CFAP57: variants seen among roughly 807,000 people sequenced by gnomAD.
The protein encoded by CFAP57 is cilia- and flagella-associated protein 57.
A neutral mutation model predicts 146.8 loss-of-function variants in CFAP57; 116 were observed. That is an observed-to-expected ratio of 0.79 (90% CI 0.68 to 0.92). The LOEUF (loss-of-function observed/expected upper bound fraction) is 0.92. Among genes scored for constraint, CFAP57 ranks in the 40% least tolerant of loss-of-function variants. CFAP57 has a pLI of 0.00. For missense variants in CFAP57, 1,377 were observed against 1,527.2 expected (o/e 0.90, Z 1.64); for synonymous variants, 518 against 552.8 (o/e 0.94, Z 0.88).
chr1:43,247,985 C>T (rs894947708), intron 22 of CFAP57, among the ~76,000 whole-genome samples: 3 of 151,684 alleles, frequency 2.0e-5, no homozygotes, highest in African/African-American at 7.3e-5. Flanking sequence ...ATTAGCCGGG[C>T]GTGGTGGCAG....
chr1:43,231,934 T>C (rs920278437), intron 18 of CFAP57: 6 of 497,590 alleles, frequency 1.2e-5, no homozygotes, highest in African/African-American at 9.8e-5. Context: ...GACAGGACAC[T>C]TCTCAGTTGT....
intron 7 of CFAP57, 38 bp downstream of exon 7, chr1:43,197,730 A>C: frequency 6.2e-7 from 1 of 1,610,976 alleles, no homozygotes; most frequent in Non-Finnish European, 8.5e-7. Flanking sequence ...ATTATGCAAG[A>C]CCCCAGTTGT....
chr1:43,213,967 A>C (rs1570143354), intron 11 of CFAP57, among the ~76,000 whole-genome samples: 1 of 147,504 alleles, frequency 6.8e-6, no homozygotes, highest in Admixed American at 6.7e-5. Flanking sequence ...GCTCACTGCA[A>C]CCTCCCCCTC....
Position 43,172,345 on chromosome 1 carries a change from T to G in CFAP57, c.-128T>G. 6.4e-7 allele frequency: 1 copy of G among 1,551,586 alleles called. No homozygotes were observed. The highest frequency in any genetic ancestry group is 1.2e-5 in the South Asian group (1 of 84,054). ...GGCAAACCATACTTCCGGTTTGTCGTTGCTATAGGAACCGCTACGGCGTTT... is the reference window on the plus strand; with the variant it reads ...GGCAAACCATACTTCCGGTTTGTCGGTGCTATAGGAACCGCTACGGCGTTT... On this transcript the variant is annotated 5_prime_UTR_variant, in exon 1 of 23. Transcript: ENST00000372492.
At chr1:43,172,573 A>AAAGGGGAGGGGAAAGGGGAGGGAC in intron 1 of CFAP57, 120 bp downstream of exon 1, 1 of 582,312 alleles carries the variant, frequency 1.7e-6, no homozygotes, top group Non-Finnish European at 2.9e-6. Context: ...GGGGGAGGGG[A>AAAGGGGAGGGGAAAGGGGAGGGAC]AAGGGGAGGG....
At chr1:43,191,084 A>G (rs890029565) in intron 6 of CFAP57, among the ~76,000 whole-genome samples, 24 of 152,176 alleles carry the variant, frequency 1.6e-4, no homozygotes, top group Admixed American at 7.9e-4. Flanking sequence ...CAGTGAAGTC[A>G]TCTGGGCCTG....
chr1:43,172,480 A>C (rs542870807), intron 1 of CFAP57, 27 bp downstream of exon 1: 2 of 1,524,634 alleles, frequency 1.3e-6, no homozygotes, highest in Admixed American at 2.0e-5. Flanking sequence ...GGGGGTCGCC[A>C]GAAGGAGCTG....
In CFAP57 at chr1:43,254,281, C is replaced by G; in HGVS notation, c.*90C>G. 8 of 1,149,126 alleles carry G rather than the reference C, an allele frequency of 7.0e-6. No homozygotes were observed. Among genetic ancestry groups the G allele is most frequent in the Non-Finnish European group, 9.7e-6 (8 of 821,590 alleles). The allele number at this position is 1,149,126 out of a possible 1,614,324, so 71.2% of individuals were successfully genotyped here. On this transcript the variant is annotated 3_prime_UTR_variant, in exon 23 of 23. Transcript: ENST00000372492. Reference sequence around the variant, plus strand: ...GACTTGCGGTTGGAGTCTGTATGGTCCCTGCAGCACTGACCCCAGCAACCT... The same window carrying G: ...GACTTGCGGTTGGAGTCTGTATGGTGCCTGCAGCACTGACCCCAGCAACCT...
intron 22 of CFAP57, among the ~76,000 whole-genome samples, chr1:43,244,577 G>T (rs1351457105): frequency 6.6e-6 from 1 of 152,128 alleles, no homozygotes; most frequent in African/African-American, 2.4e-5. Flanking sequence ...GGCCTACAGG[G>T]TTGATGTGAG....
intron 12 of CFAP57, among the ~76,000 whole-genome samples, chr1:43,217,617 C>T (rs890317704): frequency 9.2e-5 from 14 of 152,110 alleles, no homozygotes; most frequent in African/African-American, 2.9e-4. Flanking sequence ...GCACTATCCT[C>T]TCTAAACTCA....
At chr1:43,192,857 G>A (rs769843665) in intron 6 of CFAP57, among the ~76,000 whole-genome samples, 1 of 152,034 alleles carries the variant, frequency 6.6e-6, no homozygotes, top group African/African-American at 2.4e-5. Context: ...AACCCGGGAG[G>A]TGGAGGTTGC....
rs1309961967 is a variant in CFAP57, at chr1:43,209,814, G to A, written c.1827G>A (p.Met609Ile). 3.1e-6 allele frequency: 5 copies of A among 1,614,206 alleles called. No individual in the cohort carries two copies. The highest frequency in any genetic ancestry group is 3.4e-6 in the Non-Finnish European group (4 of 1,180,046). The stretch of plus-strand genomic sequence containing the variant: ...TCATCTCGCATTCTGGACGCATGAT[G>A]TTTGTGGGCACCTCGGTGGGAACCA... ...AIVISHSGRMMFVGTSVGTIR... is the reference protein window; with the variant it reads ...AIVISHSGRMIFVGTSVGTIR... The change falls in exon 11 of 23, where the codon ATG (methionine) becomes ATA (isoleucine). Residue 609 changes from methionine (M) to isoleucine (I), a missense_variant. Met to Ile is a conservative substitution (Grantham distance 10). Coordinates refer to ENST00000372492, the MANE Select transcript of CFAP57 (RefSeq NM_001378189.1).
At chr1:43,185,778 C>T (rs1006339947) in intron 5 of CFAP57, among the ~76,000 whole-genome samples, 7 of 151,588 alleles carry the variant, frequency 4.6e-5, no homozygotes, top group Non-Finnish European at 2.9e-5. Flanking sequence ...ATTAGCCAAG[C>T]GTGGCAGTGT....
intron 2 of CFAP57, among the ~76,000 whole-genome samples, chr1:43,180,559 C>T (rs576397804): frequency 6.6e-6 from 1 of 151,970 alleles, no homozygotes; most frequent in African/African-American, 2.4e-5. Flanking sequence ...CACAACACGC[C>T]AAGGAGAGAT....
At chr1:43,244,517 G>A (rs1308693288) in intron 22 of CFAP57, among the ~76,000 whole-genome samples, 3 of 152,196 alleles carry the variant, frequency 2.0e-5, no homozygotes, top group African/African-American at 7.2e-5. Flanking sequence ...GGCTAGGGTT[G>A]AAGTTGAAAC....
intron 21 of CFAP57, among the ~76,000 whole-genome samples, chr1:43,240,566 T>C (rs1242772789): frequency 6.6e-6 from 1 of 152,090 alleles, no homozygotes; most frequent in African/African-American, 2.4e-5. Flanking sequence ...GGAGAAAACA[T>C]CTGATTCAGA....
chr1:43,206,888 G>C lies in CFAP57; in HGVS notation c.1711G>C (p.Ala571Pro), dbSNP rs767459645. ...CTCCCCCGATGCCAAAATTATCTTTGCTGTTGGATCAGACCACACCCTCAA... is the reference window on the plus strand; with the variant it reads ...CTCCCCCGATGCCAAAATTATCTTTCCTGTTGGATCAGACCACACCCTCAA... ...TVSPDAKIIF[A>P]VGSDHTLKEI... is the part of the protein sequence containing the mutation. The change falls in exon 10 of 23, where the codon GCT becomes CCT. Residue 571 changes from alanine to proline, a missense_variant. By Grantham distance (27) the Ala-to-Pro change is conservative (BLOSUM62 -1). Coordinates refer to ENST00000372492, the MANE Select transcript of CFAP57 (RefSeq NM_001378189.1). 3.7e-6 allele frequency: 6 copies of C among 1,614,000 alleles called. No homozygotes were observed. The highest frequency in any genetic ancestry group is 3.4e-6 in the Non-Finnish European group (4 of 1,180,028).
In CFAP57 at chr1:43,232,381, G is replaced by A. The variant is rs921796703; in HGVS notation, c.3010-127G>A. ...GAAAGGTTTTGATCCAGAGGACACA[G>A]AAGGGGATGAGAAAAGAAATGCCCG... is the stretch of plus-strand genomic sequence containing the variant. On this transcript the variant is annotated intron_variant, in intron 18 of 22. Transcript: ENST00000372492. The A allele has an allele frequency of 3.3e-5, 24 of 725,592 alleles. No homozygotes were observed. The African/African-American group carries it at 4.2e-4, about 13-fold the overall frequency. 44.9% of individuals were successfully genotyped at this position (725,592 alleles called of 1,614,324 possible). A position where few individuals can be genotyped will look rare whatever the true frequency, so the allele number is the denominator to read the frequency against.
chr1:43,248,278 T>G (rs555405774), intron 22 of CFAP57, among the ~76,000 whole-genome samples: 15 of 151,744 alleles, frequency 9.9e-5, no homozygotes, highest in Non-Finnish European at 2.1e-4. Context: ...CATAACTTTC[T>G]TCACATCTCT....
Sources: allele counts gnomAD v4.1 joint callset (sites outside exome capture counted in the v4.1 genomes callset), GRCh38; gene constraint gnomAD v4.1.1; transcripts MANE v1.5; gene names NCBI Gene and HGNC (gene_info 2026-07-23, HGNC 2026-07-21).